The following NAALADL2 variants were observed in gnomAD, a reference collection of about 807,000 sequenced individuals.
NAALADL2 encodes inactive N-acetylated-alpha-linked acidic dipeptidase-like protein 2.
Under a neutral mutation model 87.2 loss-of-function variants are expected in NAALADL2, and 76 were observed. The ratio of observed to expected loss-of-function variants is 0.87; its 90% CI spans 0.72 to 1.05. The LOEUF is 1.05. Ranked by LOEUF, NAALADL2 falls within the 50% of genes least tolerant of loss-of-function variation. NAALADL2 has a pLI of 0.00. For missense variants in NAALADL2, 1,089 were observed against 945.8 expected, an observed-to-expected ratio of 1.15 and a Z score of -1.99; for synonymous variants, 354 against 331.0, an observed-to-expected ratio of 1.07 and a Z score of -0.75.
chr3:175,227,280 T>C (rs765160190), intron 2 of NAALADL2, among the ~76,000 whole-genome samples: 6 of 151,956 alleles, frequency 3.9e-5, no homozygotes, highest in African/African-American at 9.7e-5. Flanking sequence ...GTGTTGAACA[T>C]TGATATAAAC....
chr3:174,755,703 A>G lies in NAALADL2; in HGVS notation c.-9+17957A>G, dbSNP rs557453284. On this transcript the variant is annotated intron_variant, in intron 3 of 3. Coordinates refer to the NAALADL2 transcript ENST00000434257. ...TTTATTTCCTTATAACACTTATTGC[A>G]TAAAATCGTAAATCAAAGAGTTCAT... Among the ~76,000 whole-genome samples, 16 of 152,340 alleles carry G rather than the reference A, an allele frequency of 1.1e-4. No homozygotes were observed. In the East Asian group the frequency reaches 2.9e-3, roughly 27 times the overall value.
chr3:175,148,119 A>ATAG (rs1175007878), intron 2 of NAALADL2, among the ~76,000 whole-genome samples: 1 of 147,360 alleles, frequency 6.8e-6, no homozygotes, highest in Non-Finnish European at 1.5e-5. Context: ...AATAATAATA[A>ATAG]TAATAAAATA....
At chr3:175,368,838 G>A (rs74588492) in intron 5 of NAALADL2, among the ~76,000 whole-genome samples, 3,246 of 152,128 alleles carry the variant, frequency 0.021, 125 homozygotes, top group African/African-American at 0.075. Flanking sequence ...TTACAATGCA[G>A]TGGTATTTGT....
chr3:175,314,698 A>ATAGTTCTAAC (rs1553857612), intron 4 of NAALADL2, among the ~76,000 whole-genome samples: 7 of 97,856 alleles, frequency 7.2e-5, no homozygotes, highest in East Asian at 3.6e-4. Flanking sequence ...ATATATATAT[A>ATAGTTCTAAC]TATATATATA....
At chr3:174,478,962 A>C (rs1341998758) in intron 1 of NAALADL2, among the ~76,000 whole-genome samples, 1 of 152,146 alleles carries the variant, frequency 6.6e-6, no homozygotes, top group East Asian at 1.9e-4. Flanking sequence ...ACCTGCCTCA[A>C]CCTCCCAAAG....
intron 2 of NAALADL2, among the ~76,000 whole-genome samples, chr3:174,673,243 A>T (rs537138707): frequency 9.9e-5 from 15 of 152,200 alleles, no homozygotes; most frequent in African/African-American, 3.4e-4. Context: ...GCTAACAGGT[A>T]ACTGATAGCA....
rs1278192087 is a variant in NAALADL2 at position 175,698,504 on chromosome 3, A to ATATATATATATAT, written c.1897-38802_1897-38801insTATATATATATAT. 6.7e-4 allele frequency among the ~76,000 whole-genome samples: 58 copies of ATATATATATATAT among 86,984 alleles called. 1 individual carries two copies. The highest frequency in any genetic ancestry group is 9.7e-4 in the South Asian group (3 of 3,094). The allele number at this position is 86,984 out of a possible 152,430, so 57.1% of individuals were successfully genotyped here. On this transcript the variant is annotated intron_variant, in intron 11 of 13. Transcript: ENST00000454872. Reference sequence around the variant, plus strand: ...ATATTTATATATATATATATATATAAAATCTCCAAGCAAATTCCTATGTAC... The same window carrying ATATATATATATAT: ...ATATTTATATATATATATATATATAATATATATATATATAATCTCCAAGCAAATTCCTATGTAC...
At chr3:174,573,663 T>C (rs1171875377) in intron 2 of NAALADL2, among the ~76,000 whole-genome samples, 5 of 151,802 alleles carry the variant, frequency 3.3e-5, no homozygotes, top group Non-Finnish European at 7.4e-5. Context: ...GACATGGTGA[T>C]AGAACAGAAG....
intron 5 of NAALADL2, among the ~76,000 whole-genome samples, chr3:175,402,989 C>T (rs567236753): frequency 9.3e-4 from 142 of 152,182 alleles, no homozygotes; most frequent in African/African-American, 3.3e-3. Flanking sequence ...ATGAACAAAA[C>T]GAATGAACTC....
intron 1 of NAALADL2, among the ~76,000 whole-genome samples, chr3:175,071,308 A>G (rs75266477): frequency 0.08 from 12,145 of 152,164 alleles, 684 homozygotes; most frequent in East Asian, 0.21. Context: ...ATGTGCTATT[A>G]TAGGTCATGT....
chr3:174,490,313 TTG>T (rs1198359346), intron 1 of NAALADL2, among the ~76,000 whole-genome samples: 1 of 152,036 alleles, frequency 6.6e-6, no homozygotes, highest in Non-Finnish European at 1.5e-5. Flanking sequence ...AGATTACATG[TTG>T]TGTGATTTCC....
At chr3:175,018,430 A>G (rs1751135769) in intron 1 of NAALADL2, among the ~76,000 whole-genome samples, 1 of 152,042 alleles carries the variant, frequency 6.6e-6, no homozygotes, top group African/African-American at 2.4e-5. Flanking sequence ...CTGAGTTATT[A>G]ATTTTTTATT....
intron 3 of NAALADL2, among the ~76,000 whole-genome samples, chr3:174,793,652 A>G (rs1717723962): frequency 6.6e-6 from 1 of 152,138 alleles, no homozygotes; most frequent in Non-Finnish European, 1.5e-5. Context: ...TAACAAAACA[A>G]AACAGGACAA....
intron 2 of NAALADL2, among the ~76,000 whole-genome samples, chr3:175,185,087 C>G (rs925974155): frequency 6.6e-6 from 1 of 152,002 alleles, no homozygotes; most frequent in African/African-American, 2.4e-5. Flanking sequence ...TGAAACATAG[C>G]TATTGCCTGT....
At chr3:174,863,347 G>A (rs548867533) in intron 1 of NAALADL2, among the ~76,000 whole-genome samples, 1 of 152,068 alleles carries the variant, frequency 6.6e-6, no homozygotes, top group East Asian at 1.9e-4. Context: ...TATATTTATG[G>A]TCTTGAAAGC....
At chr3:175,188,014 G>A (rs76470486) in intron 2 of NAALADL2, among the ~76,000 whole-genome samples, 1 of 152,250 alleles carries the variant, frequency 6.6e-6, no homozygotes, top group East Asian at 1.9e-4. Context: ...TGAATATGCT[G>A]TTAGCCGTTG....
intron 1 of NAALADL2, among the ~76,000 whole-genome samples, chr3:174,969,602 A>C (rs1395124571): frequency 2.0e-5 from 3 of 152,208 alleles, no homozygotes; most frequent in Admixed American, 6.5e-5. Flanking sequence ...AAATTTTGAT[A>C]ATAAGAGCAG....
rs187193700 is a variant in NAALADL2 at position 174,990,606 on chromosome 3, G to T, written c.44-106184G>T. On this transcript the variant is annotated intron_variant, in intron 1 of 13. Coordinates refer to ENST00000454872, the MANE Select transcript of NAALADL2 (RefSeq NM_207015.3). ...GAAAGCCGGGAGGAACTTTTCAAAA[G>T]TCGATAAAAACCAAAAAAAGCTGGG... Among the ~76,000 whole-genome samples, 4 of 152,164 alleles carry T rather than the reference G, an allele frequency of 2.6e-5. No homozygotes were observed. In the East Asian group the frequency reaches 7.7e-4, roughly 29 times the overall value.
At chr3:175,667,384 C>A (rs1431609945) in intron 11 of NAALADL2, among the ~76,000 whole-genome samples, 1 of 152,002 alleles carries the variant, frequency 6.6e-6, no homozygotes, top group East Asian at 1.9e-4. Flanking sequence ...GAGCAAAGAT[C>A]CAAATTGTCA....
Sources: allele counts gnomAD v4.1 joint callset (sites outside exome capture counted in the v4.1 genomes callset), GRCh38; gene constraint gnomAD v4.1.1; transcripts MANE v1.5; gene names NCBI Gene and HGNC (gene_info 2026-07-23, HGNC 2026-07-21).